CRISP2: variants seen among roughly 807,000 people sequenced by gnomAD.
CRISP2 encodes cysteine-rich secretory protein 2.
A neutral mutation model predicts 31.7 loss-of-function variants in CRISP2; 29 were observed. The observed-to-expected ratio is 0.92, with a 90% CI of 0.68 to 1.25. The LOEUF (loss-of-function observed/expected upper bound fraction) is 1.25. Ranked by LOEUF, CRISP2 falls within the 50% of genes most tolerant of loss-of-function variation. The pLI, the probability that CRISP2 is intolerant of heterozygous loss-of-function variation, is 0.00. For synonymous variants in CRISP2, 111 were observed against 101.4 expected (o/e 1.09, Z -0.57); for missense variants, 318 against 286.5 (o/e 1.11, Z -0.79).
the CRISP2 span, among the ~76,000 whole-genome samples, chr6:49,683,359 T>C: frequency 2.0e-5 from 3 of 151,732 alleles, no homozygotes; most frequent in East Asian, 3.9e-4. Flanking sequence ...TTGTCACCAT[T>C]TTTATAATTA....
At chr6:49,679,860 C>A in the CRISP2 span, among the ~76,000 whole-genome samples, 1 of 152,078 alleles carries the variant, frequency 6.6e-6, no homozygotes, top group Non-Finnish European at 1.5e-5. Flanking sequence ...CATGTGCCAC[C>A]ATGCCCAGCT....
chr6:49,689,826 C>A (rs1763993520), downstream of CRISP2, among the ~76,000 whole-genome samples: 3 of 152,028 alleles, frequency 2.0e-5, no homozygotes, highest in African/African-American at 7.2e-5. Flanking sequence ...CTATTCTTAA[C>A]AAAAAGGTGA....
downstream of CRISP2, among the ~76,000 whole-genome samples, chr6:49,691,006 G>A (rs1764034439): frequency 1.3e-5 from 2 of 151,574 alleles, no homozygotes; most frequent in South Asian, 4.1e-4. Context: ...AGAATGCTAT[G>A]AGAATAGCAA....
intron 6 of CRISP2, 58 bp from the exon 7 acceptor site, chr6:49,698,565 A>C: frequency 1.3e-6 from 2 of 1,530,678 alleles, no homozygotes; most frequent in Non-Finnish European, 1.8e-6. Context: ...AAAGAAATTG[A>C]CTACACAAAC....
intron 2 of CRISP2, among the ~76,000 whole-genome samples, chr6:49,711,787 A>G (rs1768058837): frequency 6.6e-6 from 1 of 152,218 alleles, no homozygotes; most frequent in Non-Finnish European, 1.5e-5. Context: ...TGGGAAATCT[A>G]TGCCAAGCTT....
the CRISP2 span, among the ~76,000 whole-genome samples, chr6:49,682,635 C>G: frequency 1.4e-5 from 1 of 73,390 alleles, no homozygotes; most frequent in Non-Finnish European, 2.4e-5. Flanking sequence ...TTCTTTCTTT[C>G]TTTCTTTCTT....
chr6:49,704,397 T>C (rs920126538), intron 4 of CRISP2, among the ~76,000 whole-genome samples: 10 of 152,146 alleles, frequency 6.6e-5, no homozygotes, highest in African/African-American at 2.4e-4. Context: ...TATGGTGAGC[T>C]AGTGTGATCT....
intron 4 of CRISP2, among the ~76,000 whole-genome samples, chr6:49,701,259 T>C (rs999406965): frequency 6.6e-6 from 1 of 151,922 alleles, no homozygotes; most frequent in African/African-American, 2.4e-5. Flanking sequence ...ATGTGTAGTC[T>C]TTTATCCCAC....
At chr6:49,704,594 A>T (rs920093273) in intron 4 of CRISP2, among the ~76,000 whole-genome samples, 2 of 152,214 alleles carry the variant, frequency 1.3e-5, no homozygotes, top group Non-Finnish European at 2.9e-5. Flanking sequence ...TGAGAGCCAG[A>T]CTGCAGTGAT....
chr6:49,703,129 A>G (rs1057161258), intron 4 of CRISP2, among the ~76,000 whole-genome samples: 2 of 151,912 alleles, frequency 1.3e-5, no homozygotes, highest in African/African-American at 4.8e-5. Flanking sequence ...GTTGGCTGTA[A>G]GTATTTGGCC....
intron 4 of CRISP2, among the ~76,000 whole-genome samples, chr6:49,702,724 C>T (rs114380997): frequency 2.0e-4 from 30 of 152,026 alleles, no homozygotes; most frequent in South Asian, 6.2e-4. Flanking sequence ...AACTAGTTTG[C>T]GAAGATTTTC....
At chr6:49,712,948 T>C (rs938311285) in intron 1 of CRISP2, among the ~76,000 whole-genome samples, 3 of 152,160 alleles carry the variant, frequency 2.0e-5, no homozygotes, top group Admixed American at 6.5e-5. Context: ...ATCATTTCCA[T>C]AAGCAGTGTC....
intron 5 of CRISP2, among the ~76,000 whole-genome samples, chr6:49,700,334 C>T (rs1765454707): frequency 6.6e-6 from 1 of 152,074 alleles, no homozygotes; most frequent in Admixed American, 6.6e-5. Flanking sequence ...CTTTTACTCA[C>T]AACAGCTGAC....
chr6:49,703,749 T>C (rs535223246), intron 4 of CRISP2, among the ~76,000 whole-genome samples: 2 of 152,324 alleles, frequency 1.3e-5, no homozygotes, highest in Non-Finnish European at 2.9e-5. Context: ...TTTTCCTTTA[T>C]AGGTTACCTG....
chr6:49,712,161 A>T (rs1768127099), intron 2 of CRISP2, among the ~76,000 whole-genome samples: 1 of 152,188 alleles, frequency 6.6e-6, no homozygotes, highest in Non-Finnish European at 1.5e-5. Flanking sequence ...ATGCTCTAAC[A>T]TCTGGGCTGT....
downstream of CRISP2, among the ~76,000 whole-genome samples, chr6:49,691,624 T>G (rs143561744): frequency 6.6e-6 from 1 of 152,036 alleles, no homozygotes; most frequent in Non-Finnish European, 1.5e-5. Flanking sequence ...ATGTCTTTAG[T>G]TTTAGTACTA....
At chr6:49,712,651 C>T (rs946958144) in intron 1 of CRISP2, 47 bp from the exon 2 acceptor site, 5 of 151,942 alleles carry the variant, frequency 3.3e-5, no homozygotes, top group Non-Finnish European at 7.4e-5. Context: ...TGAAGAATAC[C>T]CTTATAGATG....
downstream of CRISP2, among the ~76,000 whole-genome samples, chr6:49,687,738 T>C (rs1042237952): frequency 1.3e-5 from 2 of 152,206 alleles, no homozygotes; most frequent in African/African-American, 4.8e-5. Context: ...CCTTGAGCCC[T>C]GGAGCCTTTA....
At chr6:49,683,679 AAAAAAAAAAAAAAAAATATATATAT>A in the CRISP2 span, among the ~76,000 whole-genome samples, 46 of 47,672 alleles carry the variant, frequency 9.6e-4, 2 homozygotes, top group East Asian at 0.029. Flanking sequence ...AAAAAAAAAA[AAAAAAAAAAAAAAAAATATATATAT>A]ATATATATAT....
Sources: gnomAD v4.1 joint callset for allele counts (sites outside exome capture counted in the v4.1 genomes callset) on GRCh38, gnomAD v4.1.1 for gene constraint, MANE v1.5 for transcripts, NCBI Gene and HGNC (gene_info 2026-07-23, HGNC 2026-07-21) for gene names.